ADAM7: variants seen among roughly 807,000 people sequenced by gnomAD.
ADAM7 encodes disintegrin and metalloproteinase domain-containing protein 7.
ADAM7 carries 97 observed loss-of-function variants against 102.9 expected under a neutral mutation model. The observed-to-expected ratio is 0.94, with a 90% CI of 0.80 to 1.12. The LOEUF (loss-of-function observed/expected upper bound fraction) is 1.12, where lower values mean the gene tolerates loss of function less well. Ranked by LOEUF, ADAM7 falls within the 50% of genes most tolerant of loss-of-function variation. ADAM7 has a pLI of 0.00. For missense variants in ADAM7, 991 were observed against 908.7 expected, an observed-to-expected ratio of 1.09 and a Z score of -1.16; for synonymous variants, 334 against 304.4, an observed-to-expected ratio of 1.10 and a Z score of -1.01.
chr8:24,484,899 G>A (rs908971891), intron 9 of ADAM7, among the ~76,000 whole-genome samples: 1 of 149,732 alleles, frequency 6.7e-6, no homozygotes, highest in African/African-American at 2.5e-5. Flanking sequence ...TCCGCCTCTC[G>A]GGTTCAGGTG....
At chr8:24,471,540 A>G (rs1401582033) in intron 7 of ADAM7, among the ~76,000 whole-genome samples, 1 of 151,338 alleles carries the variant, frequency 6.6e-6, no homozygotes, top group Non-Finnish European at 1.5e-5. Context: ...GCATTATGTT[A>G]CAATTGCCTA....
rs1447799054 is a variant in ADAM7 at position 24,467,118 on chromosome 8, T to C, written c.579+130T>C. 6.6e-6 allele frequency: 6 copies of C among 914,238 alleles called. No individual in the cohort carries two copies. The Admixed American group carries it at 8.5e-5, about 13-fold the overall frequency. 56.6% of individuals were successfully genotyped at this position (914,238 alleles called of 1,614,324 possible). ...TTTCAGTCTGGCACTTCATCTGATA[T>C]TTGAAATTGGAAAATTTTTTCTTGT... On this transcript the variant is annotated intron_variant, in intron 6 of 21. Coordinates refer to ENST00000175238, the MANE Select transcript of ADAM7 (RefSeq NM_003817.4).
At chr8:24,442,973 G>T (rs1441496413) in intron 2 of ADAM7, among the ~76,000 whole-genome samples, 3 of 152,084 alleles carry the variant, frequency 2.0e-5, no homozygotes, top group Non-Finnish European at 4.4e-5. Flanking sequence ...GAACTCAAAG[G>T]CCTGCTTGGT....
intron 19 of ADAM7, 117 bp from the exon 20 acceptor site, chr8:24,501,360 T>G: frequency 1.4e-6 from 1 of 692,606 alleles, no homozygotes; most frequent in Non-Finnish European, 2.4e-6. Flanking sequence ...TATTTAACAT[T>G]GTAATGAAAT....
At chr8:24,474,186 A>G (rs1492396) in intron 7 of ADAM7, among the ~76,000 whole-genome samples, 43,123 of 152,038 alleles carry the variant, frequency 0.28, 6,709 homozygotes, top group South Asian at 0.38. Context: ...CATTAAAGAT[A>G]GAAGAAACTA....
At chr8:24,454,379 C>T (rs529992934) in intron 3 of ADAM7, among the ~76,000 whole-genome samples, 4 of 152,308 alleles carry the variant, frequency 2.6e-5, no homozygotes, top group South Asian at 2.1e-4. Context: ...CCCCCAGCCT[C>T]GCTGCCGCCT....
intron 3 of ADAM7, among the ~76,000 whole-genome samples, chr8:24,455,671 G>A (rs568421594): frequency 2.6e-5 from 4 of 152,318 alleles, no homozygotes; most frequent in Non-Finnish European, 4.4e-5. Flanking sequence ...CTCCCAAAGT[G>A]CTAGGATTAC....
intron 3 of ADAM7, among the ~76,000 whole-genome samples, chr8:24,451,384 T>TG (rs1366121625): frequency 1.3e-5 from 2 of 152,224 alleles, no homozygotes; most frequent in East Asian, 1.9e-4. Context: ...CTTGGGAGGG[T>TG]TATGTGTCAA....
chr8:24,485,785 AG>A (rs1196723101), intron 10 of ADAM7, among the ~76,000 whole-genome samples: 1 of 152,192 alleles, frequency 6.6e-6, no homozygotes, highest in Non-Finnish European at 1.5e-5. Flanking sequence ...ATTTTTAGAA[AG>A]CATAAGACCT....
At chr8:24,441,664 A>C (rs1413391607) in intron 1 of ADAM7, among the ~76,000 whole-genome samples, 1 of 152,152 alleles carries the variant, frequency 6.6e-6, no homozygotes. Context: ...GATGACTATC[A>C]AGGTGATAGG....
At chr8:24,449,955 G>A (rs1818716982) in intron 3 of ADAM7, among the ~76,000 whole-genome samples, 1 of 152,178 alleles carries the variant, frequency 6.6e-6, no homozygotes, top group Non-Finnish European at 1.5e-5. Flanking sequence ...AGACCAGATA[G>A]TTGTAGATAT....
chr8:24,504,565 C>T (rs1820886201), intron 20 of ADAM7, among the ~76,000 whole-genome samples: 3 of 152,200 alleles, frequency 2.0e-5, no homozygotes, highest in Admixed American at 2.0e-4. Context: ...AATTTTAAGG[C>T]TAATAATTAA....
intron 7 of ADAM7, among the ~76,000 whole-genome samples, chr8:24,471,866 T>C (rs1819615982): frequency 2.0e-5 from 3 of 151,986 alleles, no homozygotes; most frequent in Admixed American, 2.0e-4. Context: ...TGTTAGAAGT[T>C]AGAAAGTCTC....
rs143375543 is a variant in ADAM7 at position 24,457,854 on chromosome 8, A to ATGTGTG, written c.234-6025_234-6020dup. Among the ~76,000 whole-genome samples, 40 of 115,186 alleles carry ATGTGTG rather than the reference A, an allele frequency of 3.5e-4. No individual in the cohort carries two copies. The Middle Eastern group carries it at 0.026, about 74-fold the overall frequency. 75.6% of individuals were successfully genotyped at this position (115,186 alleles called of 152,430 possible). A position where few individuals can be genotyped will look rare whatever the true frequency, so the allele number is the denominator to read the frequency against. ...TGACCTTAAATTTGTGTATGTGCAT[A>ATGTGTG]TGTGTGTGAGTGTGTGTGTGTGTGT... On this transcript the variant is annotated intron_variant, in intron 3 of 21. Transcript: ENST00000175238.
chr8:24,445,282 G>A (rs190006117), intron 2 of ADAM7, among the ~76,000 whole-genome samples: 35 of 152,176 alleles, frequency 2.3e-4, no homozygotes, highest in Admixed American at 2.1e-3. Context: ...GGCCTCCCAC[G>A]TGGGGATTCT....
intron 8 of ADAM7, among the ~76,000 whole-genome samples, chr8:24,480,625 T>C (rs942746654): frequency 6.6e-6 from 1 of 152,192 alleles, no homozygotes; most frequent in South Asian, 2.1e-4. Context: ...TATTTCCGTT[T>C]GCACTTGTGT....
intron 3 of ADAM7, among the ~76,000 whole-genome samples, chr8:24,452,742 G>A (rs1013799152): frequency 4.0e-5 from 6 of 151,708 alleles, no homozygotes; most frequent in African/African-American, 1.5e-4. Context: ...TTTCTTCCTA[G>A]CCTCGATGGT....
chr8:24,470,773 G>T (rs1330969880), intron 7 of ADAM7, among the ~76,000 whole-genome samples: 4 of 152,126 alleles, frequency 2.6e-5, no homozygotes, highest in African/African-American at 4.8e-5. Context: ...GGTACACAAT[G>T]CTTGATAATA....
intron 3 of ADAM7, among the ~76,000 whole-genome samples, chr8:24,449,470 C>T (rs1818694073): frequency 6.6e-6 from 1 of 152,136 alleles, no homozygotes; most frequent in Admixed American, 6.6e-5. Context: ...AGTGTCTGTT[C>T]ATGGCCTTAG....
Sources: gnomAD v4.1 joint callset for allele counts (sites outside exome capture counted in the v4.1 genomes callset) on GRCh38, gnomAD v4.1.1 for gene constraint, MANE v1.5 for transcripts, NCBI Gene and HGNC (gene_info 2026-07-23, HGNC 2026-07-21) for gene names.